The following RCOR2 variants were observed in gnomAD, a reference collection of about 807,000 sequenced individuals.
RCOR2 encodes REST corepressor 2.
In RCOR2, 19 loss-of-function variants were observed where a neutral mutation model predicts 58.9. The observed-to-expected ratio is 0.32, with a 90% CI of 0.23 to 0.47. The LOEUF is 0.47. Among genes scored for constraint, RCOR2 ranks in the 20% least tolerant of loss-of-function variants. RCOR2 has a pLI of 1.00. For missense variants in RCOR2, 590 were observed against 707.9 expected (o/e 0.83, Z 1.89); for synonymous variants, 286 against 278.7 (o/e 1.03, Z -0.26).
At chr11:63,926,666 A>G in the RCOR2 span, among the ~76,000 whole-genome samples, 1 of 151,134 alleles carries the variant, frequency 6.6e-6, no homozygotes, top group Non-Finnish European at 1.5e-5. Context: ...TTGTATTTTT[A>G]GTGGAGATGG....
At chr11:63,924,771 A>G in the RCOR2 span, among the ~76,000 whole-genome samples, 1 of 150,384 alleles carries the variant, frequency 6.6e-6, no homozygotes, top group East Asian at 2.0e-4. Context: ...CTGGTCTTGG[A>G]CTCCTGGACT....
chr11:63,926,803 TTTG>T, the RCOR2 span, among the ~76,000 whole-genome samples: 2 of 149,544 alleles, frequency 1.3e-5, no homozygotes, highest in African/African-American at 4.9e-5. Flanking sequence ...TTTTGTTTTT[TTTG>T]TTGTTGTTGT....
At chr11:63,912,796 C>T in intron 9 of RCOR2, 63 bp from the exon 10 acceptor site, 13 of 1,607,206 alleles carry the variant, frequency 8.1e-6, no homozygotes, top group Non-Finnish European at 1.1e-5. Context: ...GCCCTGCTCC[C>T]CAAGCAGTAC....
In RCOR2 at chr11:63,912,809, T is replaced by C. The variant is rs1188863912; in HGVS notation, c.969+61A>G. ...AAGCCCTGCTCCCCAAGCAGTACTC[T>C]TTCTGCTCTGCCTCCAGAGAGAAAC... On this transcript the variant is annotated intron_variant, in intron 9 of 11. Coordinates refer to ENST00000301459, the MANE Select transcript of RCOR2 (RefSeq NM_173587.4). 10 of 1,602,038 alleles carry C rather than the reference T, an allele frequency of 6.2e-6. No homozygotes were observed. In the East Asian group the frequency reaches 8.9e-5, roughly 14 times the overall value.
Position 63,916,444 on chromosome 11 carries a change from T to A in RCOR2, c.13A>T (p.Met5Leu), listed in dbSNP as rs542345922. Residue 5 changes from methionine to leucine, a missense_variant, in exon 1 of 12, where the codon ATG becomes TTG. Met to Leu is a conservative substitution (Grantham distance 15, BLOSUM62 2). Coordinates refer to ENST00000301459, the MANE Select transcript of RCOR2 (RefSeq NM_173587.4). MPSV[M>L]EKPSAGSGIL... ...CCAGAGCCCGCGCTCGGCTTCTCCATCACTGAGGGCATTACCCCGCCCAGC... is the reference window on the plus strand; with the variant it reads ...CCAGAGCCCGCGCTCGGCTTCTCCAACACTGAGGGCATTACCCCGCCCAGC... 2.5e-6 allele frequency: 4 copies of A among 1,608,408 alleles called. No homozygotes were observed. The African/African-American group carries it at 5.3e-5, about 21-fold the overall frequency.
intron 1 of RCOR2, 52 bp downstream of exon 1, chr11:63,916,278 A>G (rs1941855593): frequency 6.8e-7 from 1 of 1,471,528 alleles, no homozygotes; most frequent in Non-Finnish European, 9.2e-7. Flanking sequence ...CTCCCGCCCC[A>G]CTCCGCTCCC....
chr11:63,914,610 G>A (rs754783366), intron 5 of RCOR2, 45 bp downstream of exon 5: 2 of 1,608,850 alleles, frequency 1.2e-6, no homozygotes, highest in East Asian at 2.2e-5. Flanking sequence ...TCTTCAGAAA[G>A]GAGGGGCAGA....
chr11:63,914,366 C>T (rs1941826645), intron 6 of RCOR2, 36 bp from the exon 7 acceptor site: 1 of 1,613,218 alleles, frequency 6.2e-7, no homozygotes. Context: ...AATGAGGCAG[C>T]TGCCAGGAGC....
In RCOR2 at chr11:63,914,173, C is replaced by T. The variant is rs747657943; in HGVS notation, c.676-4G>A. On this transcript the variant is annotated splice_polypyrimidine_tract_variant and splice_region_variant and intron_variant, in intron 7 of 11. Transcript: ENST00000301459. ...TCAGGGGCCGAGAGGGTAGAGGCTG[C>T]CAGTGAAAGGAGAGGCAGGTAGGTG... is the stretch of plus-strand genomic sequence containing the variant. The T allele has an allele frequency of 8.1e-6, 13 of 1,613,536 alleles. No individual in the cohort carries two copies. The Middle Eastern group carries it at 1.3e-3, about 164-fold the overall frequency.
chr11:63,912,249 C>G (rs371824320), intron 11 of RCOR2, 56 bp downstream of exon 11: 24 of 1,587,166 alleles, frequency 1.5e-5, no homozygotes, highest in Non-Finnish European at 2.1e-5. Context: ...ACCAAGGCGG[C>G]GCCTCACCTC....
Position 63,912,298 on chromosome 11 carries a change from T to G in RCOR2, c.1257+7A>C. 6.2e-7 allele frequency: 1 copy of G among 1,609,958 alleles called. No homozygotes were observed. The highest frequency in any genetic ancestry group is 8.5e-7 in the Non-Finnish European group (1 of 1,176,884). ...TCTCTGAGGGGTTTCTCTCACCCCC[T>G]TCTCACCTCATCATCTTCCTCTAGG... On this transcript the variant is annotated splice_region_variant and intron_variant, in intron 11 of 11. Transcript: ENST00000301459.
chr11:63,922,245 G>C, the RCOR2 span, among the ~76,000 whole-genome samples: 1 of 152,150 alleles, frequency 6.6e-6, no homozygotes, highest in Non-Finnish European at 1.5e-5. Context: ...ACACAAAATG[G>C]ACTAAGATAC....
the RCOR2 span, among the ~76,000 whole-genome samples, chr11:63,927,009 G>A: frequency 6.6e-6 from 1 of 151,590 alleles, no homozygotes. Flanking sequence ...ATTTTTAGTA[G>A]AGACGGGGTT....
At chr11:63,926,001 C>T in the RCOR2 span, among the ~76,000 whole-genome samples, 1 of 152,074 alleles carries the variant, frequency 6.6e-6, no homozygotes, top group African/African-American at 2.4e-5. Context: ...CCTCCACCTC[C>T]CAGGTTCAAG....
Position 63,916,583 on chromosome 11 carries a change from G to C in RCOR2, c.-127C>G. On this transcript the variant is annotated 5_prime_UTR_variant, in exon 1 of 12. Coordinates refer to ENST00000301459, the MANE Select transcript of RCOR2 (RefSeq NM_173587.4). ...GCCACTGAGGTTAGGAGAGGCAGGA[G>C]GTCAGCGTGGCTAGGGTCCGGCGGG... The C allele has an allele frequency of 7.0e-7, 1 of 1,418,984 alleles. No homozygotes were observed. The highest frequency in any genetic ancestry group is 9.2e-7 in the Non-Finnish European group (1 of 1,084,876). 87.9% of individuals were successfully genotyped at this position (1,418,984 alleles called of 1,614,324 possible).
At chr11:63,924,439 C>A in the RCOR2 span, among the ~76,000 whole-genome samples, 1 of 152,128 alleles carries the variant, frequency 6.6e-6, no homozygotes, top group Non-Finnish European at 1.5e-5. Flanking sequence ...GTAATCCTGA[C>A]CTGAAGTGAT....
chr11:63,918,469 G>T (rs1941892083), upstream of RCOR2, among the ~76,000 whole-genome samples: 1 of 152,176 alleles, frequency 6.6e-6, no homozygotes, highest in South Asian at 2.1e-4. Flanking sequence ...CGGCCACGTT[G>T]CCCGCCACAC....
intron 8 of RCOR2, 41 bp downstream of exon 8, chr11:63,913,913 A>G (rs1051158662): frequency 1.2e-5 from 19 of 1,582,906 alleles, no homozygotes; most frequent in African/African-American, 2.7e-5. Context: ...CAGGTGCCGA[A>G]TGCCACCTTT....
chr11:63,923,656 A>T, the RCOR2 span, among the ~76,000 whole-genome samples: 2 of 152,068 alleles, frequency 1.3e-5, no homozygotes, highest in Non-Finnish European at 2.9e-5. Context: ...CAAACCCTTT[A>T]TGTGGGTCCT....
Sources: allele counts gnomAD v4.1 joint callset (sites outside exome capture counted in the v4.1 genomes callset), GRCh38; gene constraint gnomAD v4.1.1; transcripts MANE v1.5; gene names NCBI Gene and HGNC (gene_info 2026-07-23, HGNC 2026-07-21).